Variants in DCLK1 observed in about 807,000 individuals in gnomAD.
DCLK1 encodes doublecortin like kinase 1.
DCLK1 carries 16 observed loss-of-function variants against 86.2 expected under a neutral mutation model. The ratio of observed to expected loss-of-function variants is 0.19; its 90% confidence interval spans 0.13 to 0.28. DCLK1 has a LOEUF of 0.28. Ranked by LOEUF, DCLK1 falls within the 10% of genes least tolerant of loss-of-function variation. The probability of loss-of-function intolerance (pLI) is 1.00; values close to 1 mark genes in which losing one functional copy is unlikely to be tolerated. For missense variants in DCLK1, 590 were observed against 940.2 expected, an observed-to-expected ratio of 0.63 and a Z score of 4.87; for synonymous variants, 369 against 370.5, an observed-to-expected ratio of 1.00 and a Z score of 0.05.
chr13:36,043,398 T>C (rs1349420004), intron 3 of DCLK1, among the ~76,000 whole-genome samples: 1 of 151,800 alleles, frequency 6.6e-6, no homozygotes, highest in Admixed American at 6.6e-5. Flanking sequence ...ATAGAAAATA[T>C]GACAAACTTT....
At chr13:35,940,695 A>G (rs1322085402) in intron 4 of DCLK1, among the ~76,000 whole-genome samples, 1 of 152,158 alleles carries the variant, frequency 6.6e-6, no homozygotes, top group African/African-American at 2.4e-5. Context: ...GTTTAGTTTA[A>G]TCTTCTAGAG....
chr13:35,864,444 A>T (rs1871633433), intron 5 of DCLK1, among the ~76,000 whole-genome samples: 1 of 117,418 alleles, frequency 8.5e-6, no homozygotes, highest in East Asian at 2.4e-4. Flanking sequence ...GGGCGCCTGT[A>T]GTCCCAGCTA....
chr13:35,917,397 G>A (rs1204881415), intron 4 of DCLK1, among the ~76,000 whole-genome samples: 1 of 152,110 alleles, frequency 6.6e-6, no homozygotes, highest in East Asian at 1.9e-4. Context: ...CTATTGTCGG[G>A]CCCTCAAATA....
At chr13:35,784,265 A>C (rs1183745785) in intron 16 of DCLK1, among the ~76,000 whole-genome samples, 1 of 152,236 alleles carries the variant, frequency 6.6e-6, no homozygotes, top group African/African-American at 2.4e-5. Context: ...GTTTACACTC[A>C]ATGATTAAGA....
chr13:36,080,317 A>G lies in DCLK1; in HGVS notation c.723+31552T>C, dbSNP rs201517354. Among the ~76,000 whole-genome samples the G allele has an allele frequency of 7.9e-5, 12 of 152,316 alleles. No individual in the cohort carries two copies. In the East Asian group the frequency reaches 2.3e-3, roughly 29 times the overall value. On this transcript the variant is annotated intron_variant, in intron 3 of 16. Transcript: ENST00000360631. ...GCAGCAAGAAAACCAAGAGAACACGATATCATGCAGGATCAAAGGAGAGAG... is the reference window on the plus strand; with the variant it reads ...GCAGCAAGAAAACCAAGAGAACACGGTATCATGCAGGATCAAAGGAGAGAG...
At chr13:36,069,443 G>T (rs1172042573) in intron 3 of DCLK1, among the ~76,000 whole-genome samples, 1 of 152,160 alleles carries the variant, frequency 6.6e-6, no homozygotes, top group Non-Finnish European at 1.5e-5. Flanking sequence ...TGTTAAAATT[G>T]ATTTTGTTTT....
chr13:35,776,647 G>T (rs1382466061), intron 16 of DCLK1, among the ~76,000 whole-genome samples: 1 of 152,160 alleles, frequency 6.6e-6, no homozygotes, highest in Non-Finnish European at 1.5e-5. Context: ...TTTCTAAACA[G>T]CCAAGACTCC....
intron 3 of DCLK1, among the ~76,000 whole-genome samples, chr13:35,958,212 A>ACCACCACCACCAC (rs1434663672): frequency 6.7e-6 from 1 of 150,246 alleles, no homozygotes. Flanking sequence ...CATTATAACC[A>ACCACCACCACCAC]TCACCACCAC....
intron 6 of DCLK1, chr13:35,847,382 T>C: frequency 1.0e-6 from 1 of 985,204 alleles, no homozygotes; most frequent in Non-Finnish European, 1.2e-6. Context: ...TCACAAATAC[T>C]ATACTTTACT....
At chr13:35,882,008 T>C (rs1409546374) in intron 4 of DCLK1, among the ~76,000 whole-genome samples, 1 of 152,226 alleles carries the variant, frequency 6.6e-6, no homozygotes, top group Non-Finnish European at 1.5e-5. Context: ...GTGTATGCTT[T>C]AGTTGCCATA....
chr13:35,900,464 ACT>A (rs889220182), intron 4 of DCLK1, among the ~76,000 whole-genome samples: 1 of 152,054 alleles, frequency 6.6e-6, no homozygotes, highest in African/African-American at 2.4e-5. Flanking sequence ...CTGATCTTGA[ACT>A]TCTGGCCTCA....
chr13:35,950,889 G>T (rs1877630274), intron 3 of DCLK1, among the ~76,000 whole-genome samples: 1 of 151,826 alleles, frequency 6.6e-6, no homozygotes, highest in Non-Finnish European at 1.5e-5. Flanking sequence ...TCAAACCCAG[G>T]CCTTTCTCCC....
chr13:36,128,494 G>A (rs1304095932), intron 1 of DCLK1, among the ~76,000 whole-genome samples: 1 of 152,086 alleles, frequency 6.6e-6, no homozygotes, highest in Non-Finnish European at 1.5e-5. Flanking sequence ...AGTGACCTTG[G>A]ACAGGCCACA....
intron 4 of DCLK1, among the ~76,000 whole-genome samples, chr13:35,932,435 T>C (rs1263747655): frequency 1.3e-5 from 2 of 152,206 alleles, no homozygotes. Flanking sequence ...TGTATGTGTA[T>C]TAGTCCATGT....
chr13:36,105,124 C>T (rs1451733137), intron 3 of DCLK1, among the ~76,000 whole-genome samples: 2 of 152,170 alleles, frequency 1.3e-5, no homozygotes, highest in Non-Finnish European at 2.9e-5. Context: ...AGAGGTCACA[C>T]TACTAATGAG....
intron 15 of DCLK1, among the ~76,000 whole-genome samples, chr13:35,794,513 C>A (rs1566535489): frequency 1.3e-5 from 2 of 152,320 alleles, no homozygotes; most frequent in East Asian, 3.9e-4. Context: ...TCCTTTTGCA[C>A]GAGCTGGTCC....
intron 4 of DCLK1, among the ~76,000 whole-genome samples, chr13:35,882,805 C>T (rs9545604): frequency 0.46 from 69,989 of 152,032 alleles, 16,306 homozygotes; most frequent in African/African-American, 0.52. Context: ...TTTTACGTGC[C>T]GGGATACTGT....
chr13:35,939,528 C>A (rs144997047), intron 4 of DCLK1, among the ~76,000 whole-genome samples: 1 of 152,302 alleles, frequency 6.6e-6, no homozygotes, highest in East Asian at 1.9e-4. Flanking sequence ...CCTCAGCCTG[C>A]CAAGTAGCTG....
chr13:35,873,921 T>G lies in DCLK1; in HGVS notation c.824-2581A>C, dbSNP rs114134169. 4.8e-3 allele frequency among the ~76,000 whole-genome samples: 727 copies of G among 152,332 alleles called. 5 individuals carry two copies. Among genetic ancestry groups the G allele is most frequent in the African/African-American group, 0.016 (679 of 41,576 alleles). On this transcript the variant is annotated intron_variant, in intron 4 of 16. Transcript: ENST00000360631. ...TATGTCCTACTTTCTCTTATTGGTT[T>G]GTAAGAGTGCATTCTATATGAAAGT... is the stretch of plus-strand genomic sequence containing the variant.
Sources: allele counts gnomAD v4.1 joint callset (sites outside exome capture counted in the v4.1 genomes callset), GRCh38; gene constraint gnomAD v4.1.1; transcripts MANE v1.5; gene names NCBI Gene and HGNC (gene_info 2026-07-23, HGNC 2026-07-21).